Variants in GREM2 observed in about 807,000 individuals in gnomAD.
GREM2 encodes gremlin 2, DAN family BMP antagonist.
Under a neutral mutation model 14.2 loss-of-function variants are expected in GREM2, and 11 were observed. The observed-to-expected ratio is 0.78, with a 90% confidence interval of 0.49 to 1.28. GREM2 has a LOEUF of 1.28. Among genes scored for constraint, GREM2 ranks in the 50% most tolerant of loss-of-function variants. GREM2 has a pLI of 0.00. For missense variants in GREM2, 210 were observed against 218.5 expected, an observed-to-expected ratio of 0.96 and a Z score of 0.24; for synonymous variants, 98 against 97.6, an observed-to-expected ratio of 1.00 and a Z score of -0.02.
rs2103327391 is a variant in GREM2 at position 240,542,591 on chromosome 1, G to A, written c.-1-49115C>T. On this transcript the variant is annotated intron_variant, in intron 1 of 1. Transcript: ENST00000318160. This position sits in a 1 kb window ranked among gnomAD's most constrained non-coding sequence, Gnocchi z 4.1. ...GATTGTGCCCCTGCACTCCAGCCTA[G>A]TGACAGAGCGAGACTCCATCTCAAA... Among the ~76,000 whole-genome samples, 1 of 152,122 alleles carries A rather than the reference G, an allele frequency of 6.6e-6. No homozygotes were observed. The highest frequency in any genetic ancestry group is 2.1e-4 in the South Asian group (1 of 4,818).
At position 240,492,960 on chromosome 1, in the gene GREM2, G is replaced by A. The variant is rs540514987; in HGVS notation, c.*9C>T. On this transcript the variant is annotated 3_prime_UTR_variant, in exon 2 of 2. Coordinates refer to ENST00000318160, the MANE Select transcript of GREM2 (RefSeq NM_022469.4). ...CGCGCGCGGGGCTGAGCTGCGTCCGGCCCGGCGCTCACTGCTTGTCCGAGT... is the reference window on the plus strand; with the variant it reads ...CGCGCGCGGGGCTGAGCTGCGTCCGACCCGGCGCTCACTGCTTGTCCGAGT... 1.1e-5 allele frequency: 17 copies of A among 1,516,226 alleles called. No homozygotes were observed. Among genetic ancestry groups the A allele is most frequent in the East Asian group, 9.2e-5 (4 of 43,584 alleles). The allele number at this position is 1,516,226 out of a possible 1,614,324, so 93.9% of individuals were successfully genotyped here.
At chr1:240,575,821 C>T (rs750771799) in intron 1 of GREM2, among the ~76,000 whole-genome samples, 17 of 145,724 alleles carry the variant, frequency 1.2e-4, no homozygotes, top group Middle Eastern at 3.6e-3. Flanking sequence ...GTGCCCAGCA[C>T]AAGATTCAGT....
chr1:240,513,089 A>C (rs2103293281), intron 1 of GREM2, among the ~76,000 whole-genome samples: 1 of 152,328 alleles, frequency 6.6e-6, no homozygotes, highest in Admixed American at 6.5e-5. Context: ...TCTATGAAGG[A>C]CATAAAAAGA....
intron 1 of GREM2, among the ~76,000 whole-genome samples, chr1:240,532,425 T>C (rs1025255878): frequency 1.3e-5 from 2 of 152,138 alleles, no homozygotes; most frequent in African/African-American, 2.4e-5. Context: ...TCTCTATAAA[T>C]CTATGAGTCT....
At chr1:240,590,244 A>G (rs570715368) in intron 1 of GREM2, among the ~76,000 whole-genome samples, 1 of 152,306 alleles carries the variant, frequency 6.6e-6, no homozygotes, top group African/African-American at 2.4e-5. Context: ...ATACACTAAC[A>G]TCAGAGCTCT....
chr1:240,553,311 C>T (rs1002074315), intron 1 of GREM2, among the ~76,000 whole-genome samples: 2 of 152,142 alleles, frequency 1.3e-5, no homozygotes, highest in African/African-American at 4.8e-5. Flanking sequence ...TTCTCTGATT[C>T]TCTTGCATTT....
chr1:240,610,415 G>A (rs888739686), intron 1 of GREM2, among the ~76,000 whole-genome samples: 1 of 151,954 alleles, frequency 6.6e-6, no homozygotes, highest in African/African-American at 2.4e-5. Context: ...TCAGTCGATG[G>A]GCAAAAACTA....
chr1:240,515,046 G>A (rs1214748579), intron 1 of GREM2, among the ~76,000 whole-genome samples: 1 of 152,158 alleles, frequency 6.6e-6, no homozygotes, highest in Admixed American at 6.5e-5. Context: ...AGCCACATTA[G>A]ATAGGAAAGA....
In GREM2 at chr1:240,515,657, G is replaced by A. The variant is rs74149151; in HGVS notation, c.-1-22181C>T. Among the ~76,000 whole-genome samples the A allele has an allele frequency of 7.2e-3, 1,089 of 152,248 alleles. 8 individuals carry two copies. Among genetic ancestry groups the A allele is most frequent in the African/African-American group, 0.025 (1,036 of 41,542 alleles). On this transcript the variant is annotated intron_variant, in intron 1 of 1. Coordinates refer to ENST00000318160, the MANE Select transcript of GREM2 (RefSeq NM_022469.4). ...AGCACTTAAAGAAAAAGGGATAGGGGTCATTGCAAAATATTGTAAATTTGA... is the reference window on the plus strand; with the variant it reads ...AGCACTTAAAGAAAAAGGGATAGGGATCATTGCAAAATATTGTAAATTTGA...
chr1:240,498,101 G>A (rs921206638), intron 1 of GREM2, among the ~76,000 whole-genome samples: 17 of 152,210 alleles, frequency 1.1e-4, no homozygotes, highest in African/African-American at 3.9e-4. Context: ...AGCTAAGACA[G>A]AGCTGACAGA....
intron 1 of GREM2, among the ~76,000 whole-genome samples, chr1:240,578,794 T>A (rs1243420161): frequency 6.0e-5 from 9 of 149,126 alleles, no homozygotes; most frequent in Admixed American, 5.4e-4. Flanking sequence ...AAAAATAAAA[T>A]AAAATAAAAT....
chr1:240,596,388 G>A (rs1263800430), intron 1 of GREM2, among the ~76,000 whole-genome samples: 1 of 152,110 alleles, frequency 6.6e-6, no homozygotes, highest in African/African-American at 2.4e-5. Context: ...ATTGGTGTAT[G>A]CAATCACCCT....
intron 1 of GREM2, among the ~76,000 whole-genome samples, chr1:240,601,513 G>A (rs924526262): frequency 2.0e-5 from 3 of 152,206 alleles, no homozygotes; most frequent in African/African-American, 7.2e-5. Context: ...GCTGTGTAAA[G>A]TTAGGAAATT....
chr1:240,565,429 A>G (rs1205976690), intron 1 of GREM2, among the ~76,000 whole-genome samples: 2 of 152,188 alleles, frequency 1.3e-5, no homozygotes, highest in Non-Finnish European at 2.9e-5. Context: ...ATAATATTTT[A>G]CAAATGGTTT....
intron 1 of GREM2, among the ~76,000 whole-genome samples, chr1:240,610,063 A>G (rs745410386): frequency 2.0e-5 from 3 of 152,224 alleles, no homozygotes; most frequent in Non-Finnish European, 4.4e-5. Flanking sequence ...CAAAGTGAAT[A>G]TAATCCGTCT....
At chr1:240,528,875 C>T (rs1206186926) in intron 1 of GREM2, among the ~76,000 whole-genome samples, 5 of 152,286 alleles carry the variant, frequency 3.3e-5, no homozygotes, top group African/African-American at 1.2e-4. Flanking sequence ...CAAGGAGACT[C>T]GCTTAACCTG....
At chr1:240,524,838 C>T (rs1022431979) in intron 1 of GREM2, among the ~76,000 whole-genome samples, 12 of 152,168 alleles carry the variant, frequency 7.9e-5, no homozygotes, top group Non-Finnish European at 8.8e-5. Flanking sequence ...GCCTCAGCCC[C>T]TTTAGCACGA....
chr1:240,533,749 G>T (rs1429111894), intron 1 of GREM2, among the ~76,000 whole-genome samples: 1 of 152,212 alleles, frequency 6.6e-6, no homozygotes, highest in Non-Finnish European at 1.5e-5. Context: ...TGGTTGAACA[G>T]ATATTGAGAT....
intron 1 of GREM2, among the ~76,000 whole-genome samples, chr1:240,580,446 G>T (rs760922476): frequency 3.3e-5 from 5 of 152,138 alleles, no homozygotes; most frequent in Non-Finnish European, 7.4e-5. Flanking sequence ...GCCTTATCAA[G>T]ATATATGTTC....
Sources: gnomAD v4.1 joint callset for allele counts (sites outside exome capture counted in the v4.1 genomes callset) on GRCh38, gnomAD v4.1.1 for gene constraint, Gnocchi (gnomAD v3.1) non-coding constraint, MANE v1.5 for transcripts, NCBI Gene and HGNC (gene_info 2026-07-23, HGNC 2026-07-21) for gene names.